The following MTUS2 variants were observed in gnomAD, a reference collection of about 807,000 sequenced individuals.
The protein encoded by MTUS2 is microtubule-associated tumor suppressor candidate 2.
A neutral mutation model predicts 114.1 loss-of-function variants in MTUS2; 40 were observed. That is an observed-to-expected ratio of 0.35 (90% confidence interval 0.27 to 0.46). The LOEUF is 0.46. Ranked by LOEUF, MTUS2 falls within the 20% of genes least tolerant of loss-of-function variation. MTUS2 has a pLI of 1.00. For synonymous variants in MTUS2, 688 were observed against 672.0 expected, an observed-to-expected ratio of 1.02 and a Z score of -0.37; for missense variants, 1,679 against 1,705.4, an observed-to-expected ratio of 0.98 and a Z score of 0.27.
chr13:28,880,131 G>A (rs1048844465), intron 2 of MTUS2, among the ~76,000 whole-genome samples: 8 of 152,028 alleles, frequency 5.3e-5, no homozygotes, highest in African/African-American at 1.9e-4. Context: ...AAGCATTTTG[G>A]TTAATAATGT....
chr13:29,259,602 T>G (rs569478690), intron 5 of MTUS2, among the ~76,000 whole-genome samples: 3 of 152,334 alleles, frequency 2.0e-5, no homozygotes, highest in South Asian at 4.1e-4. Context: ...TTGGCCAAAA[T>G]AGTTGGAATA....
At chr13:28,905,986 G>T (rs1209098839) in intron 2 of MTUS2, among the ~76,000 whole-genome samples, 1 of 151,390 alleles carries the variant, frequency 6.6e-6, no homozygotes, top group Non-Finnish European at 1.5e-5. Flanking sequence ...GTCTTGGGAG[G>T]GTGTATGTGT....
At chr13:29,022,585 A>G (rs745336512) in intron 2 of MTUS2, among the ~76,000 whole-genome samples, 3 of 152,234 alleles carry the variant, frequency 2.0e-5, no homozygotes, top group Non-Finnish European at 4.4e-5. Context: ...TTCAGGAGAA[A>G]CATAACAGTA....
At chr13:29,059,869 G>C (rs1236950642) in intron 4 of MTUS2, among the ~76,000 whole-genome samples, 1 of 152,228 alleles carries the variant, frequency 6.6e-6, no homozygotes, top group Non-Finnish European at 1.5e-5. Context: ...GGGTGGGGTT[G>C]TTTACTTTGC....
chr13:29,266,307 C>G (rs1454494689), intron 5 of MTUS2, among the ~76,000 whole-genome samples: 2 of 152,134 alleles, frequency 1.3e-5, no homozygotes, highest in East Asian at 1.9e-4. Context: ...GCAACTTGTC[C>G]AAAGTCAGAC....
chr13:29,255,853 T>C (rs1897269244), intron 5 of MTUS2, among the ~76,000 whole-genome samples: 1 of 152,202 alleles, frequency 6.6e-6, no homozygotes, highest in African/African-American at 2.4e-5. Flanking sequence ...ACACGCTGCA[T>C]TGAGTTATTG....
chr13:29,238,988 C>T (rs1257340874), intron 5 of MTUS2, among the ~76,000 whole-genome samples: 6 of 152,044 alleles, frequency 3.9e-5, no homozygotes, highest in Admixed American at 1.3e-4. Flanking sequence ...TCCAAGGATA[C>T]GAAGTTTCGG....
Position 29,091,838 on chromosome 13 carries a change from G to A in MTUS2, c.2447-8935G>A, listed in dbSNP as rs140975944. Among the ~76,000 whole-genome samples, 386 of 152,304 alleles carry A rather than the reference G, an allele frequency of 2.5e-3. 1 individual carries two copies. Among genetic ancestry groups the A allele is most frequent in the Middle Eastern group, 0.014 (4 of 294 alleles). Reference sequence around the variant, plus strand: ...AACAGAAGCTCTGTAGGACTCAACAGTGCAGCACAGAGCAGCACAGCTCAA... The same window carrying A: ...AACAGAAGCTCTGTAGGACTCAACAATGCAGCACAGAGCAGCACAGCTCAA... On this transcript the variant is annotated intron_variant, in intron 4 of 15. Coordinates refer to ENST00000612955, the MANE Select transcript of MTUS2 (RefSeq NM_001033602.4).
chr13:29,316,134 G>A, intron 6 of MTUS2, among the ~76,000 whole-genome samples: 1 of 152,160 alleles, frequency 6.6e-6, no homozygotes, highest in Non-Finnish European at 1.5e-5. Flanking sequence ...CAATTAGCCA[G>A]CAAGAACCTT....
chr13:29,011,463 A>G (rs920572013), intron 2 of MTUS2, among the ~76,000 whole-genome samples: 3 of 152,096 alleles, frequency 2.0e-5, no homozygotes, highest in Admixed American at 6.5e-5. Context: ...ATCTTTTACT[A>G]TTTTTCTTCA....
At chr13:29,156,603 A>G (rs1371197557) in intron 5 of MTUS2, among the ~76,000 whole-genome samples, 1 of 152,048 alleles carries the variant, frequency 6.6e-6, no homozygotes, top group Non-Finnish European at 1.5e-5. Flanking sequence ...AGACTCTCTG[A>G]GCTTCTTTCG....
chr13:28,992,482 G>A (rs1234022951), intron 2 of MTUS2, among the ~76,000 whole-genome samples: 2 of 152,104 alleles, frequency 1.3e-5, no homozygotes, highest in Non-Finnish European at 2.9e-5. Context: ...TGGTTTTGAC[G>A]GCTGCACATG....
chr13:28,963,938 C>T (rs1883456774), intron 2 of MTUS2, among the ~76,000 whole-genome samples: 1 of 152,182 alleles, frequency 6.6e-6, no homozygotes, highest in Non-Finnish European at 1.5e-5. Context: ...CCAGCCTGAC[C>T]TTTGAATGTT....
chr13:29,501,292 C>T, intron 15 of MTUS2, 98 bp downstream of exon 15: 1 of 883,628 alleles, frequency 1.1e-6, no homozygotes, highest in Non-Finnish European at 1.8e-6. Flanking sequence ...GAGTCTTTCC[C>T]CACAGTCTCT....
intron 2 of MTUS2, among the ~76,000 whole-genome samples, chr13:28,942,982 G>GA (rs1288616669): frequency 3.3e-5 from 5 of 151,992 alleles, no homozygotes; most frequent in African/African-American, 1.2e-4. Context: ...TTAATACTAA[G>GA]AAAAAATGTG....
intron 5 of MTUS2, among the ~76,000 whole-genome samples, chr13:29,158,595 C>T (rs1308616263): frequency 2.0e-5 from 3 of 151,866 alleles, no homozygotes; most frequent in Non-Finnish European, 2.9e-5. Context: ...GCTTCTGTCA[C>T]CCTCAGAGAG....
At position 29,359,355 on chromosome 13, in the gene MTUS2, G is replaced by A. The variant is rs1870035936; in HGVS notation, c.2999G>A (p.Arg1000Gln). 4 of 1,612,466 alleles carry A rather than the reference G, an allele frequency of 2.5e-6. No individual in the cohort carries two copies. Among genetic ancestry groups the A allele is most frequent in the South Asian group, 1.1e-5 (1 of 90,734 alleles). Residue 1000 changes from arginine to glutamine, a missense_variant, in exon 8 of 16, where the codon CGG becomes CAG. Physicochemically the swap from Arg to Gln is conservative, Grantham distance 43. Around this residue, in one of 3 missense-constraint regions of MTUS2, gnomAD observed 822 missense variants for 899.7 expected, o/e 0.91. Transcript: ENST00000612955. ...GAGGCTGAGCGGCAGCTGGTGCTGC[G>A]GCTGAAGGAGCGGTGTGAGCAGCAG... is the stretch of plus-strand genomic sequence containing the variant. ...AREAERQLVL[R>Q]LKERCEQQTR...
chr13:29,370,421 C>T lies in MTUS2; in HGVS notation c.3117+10948C>T, dbSNP rs192746374. 1.3e-4 allele frequency among the ~76,000 whole-genome samples: 19 copies of T among 151,576 alleles called. No homozygotes were observed. The East Asian group carries it at 2.5e-3, about 20-fold the overall frequency. Reference sequence around the variant, plus strand: ...GGCTATAGTGCTCTATGATTGCACCCGTGAATAGCCTCTGCACTCCAGCCT... The same window carrying T: ...GGCTATAGTGCTCTATGATTGCACCTGTGAATAGCCTCTGCACTCCAGCCT... On this transcript the variant is annotated intron_variant, in intron 8 of 15. Transcript: ENST00000612955.
intron 2 of MTUS2, among the ~76,000 whole-genome samples, chr13:28,919,590 G>A (rs111599290): frequency 0.035 from 5,313 of 151,904 alleles, 292 homozygotes; most frequent in African/African-American, 0.12. Flanking sequence ...TAACCTTCTT[G>A]CACTTGAATA....
Sources: allele counts gnomAD v4.1 joint callset (sites outside exome capture counted in the v4.1 genomes callset), GRCh38; gene constraint gnomAD v4.1.1; regional missense constraint gnomAD v4.1.1; transcripts MANE v1.5; gene names NCBI Gene and HGNC (gene_info 2026-07-23, HGNC 2026-07-21).